Variants in CNTNAP4 observed in about 807,000 individuals in gnomAD.
The protein encoded by CNTNAP4 is contactin associated protein family member 4.
CNTNAP4 carries 98 observed loss-of-function variants against 148.4 expected under a neutral mutation model. The ratio of observed to expected loss-of-function variants is 0.66; its 90% CI spans 0.56 to 0.78. CNTNAP4 has a LOEUF of 0.78. Ranked by LOEUF, CNTNAP4 falls within the 30% of genes least tolerant of loss-of-function variation. The pLI is 0.00. For missense variants in CNTNAP4, 1,935 were observed against 1,565.6 expected (o/e 1.24, Z -3.98); for synonymous variants, 730 against 565.1 (o/e 1.29, Z -4.14).
chr16:76,418,060 G>T (rs1475026420), intron 3 of CNTNAP4, among the ~76,000 whole-genome samples: 1 of 150,632 alleles, frequency 6.6e-6, no homozygotes, highest in Non-Finnish European at 1.5e-5. Context: ...ACTGTAATTT[G>T]CATCTGATAT....
chr16:76,343,078 T>A (rs1024942668), intron 2 of CNTNAP4, among the ~76,000 whole-genome samples: 24 of 152,000 alleles, frequency 1.6e-4, no homozygotes, highest in Admixed American at 1.6e-3. Context: ...AATTTGAAAT[T>A]GGCTAGGCAG....
rs1597167838 is a variant in CNTNAP4, at chr16:76,316,606, A to G, written c.196+83A>G. The G allele has an allele frequency of 1.7e-5, 15 of 869,470 alleles. No homozygotes were observed. In the East Asian group the frequency reaches 3.8e-4, roughly 22 times the overall value. 53.9% of individuals were successfully genotyped at this position (869,470 alleles called of 1,614,324 possible). On this transcript the variant is annotated intron_variant, in intron 2 of 23. Coordinates refer to ENST00000611870, the MANE Select transcript of CNTNAP4 (RefSeq NM_033401.5). ...TCTTTGCATACAGTCATTATGAATGATACATGGTAAAAGAAAGTAAATTTC... is the reference window on the plus strand; with the variant it reads ...TCTTTGCATACAGTCATTATGAATGGTACATGGTAAAAGAAAGTAAATTTC...
chr16:76,293,226 G>A (rs1959170124), intron 1 of CNTNAP4, among the ~76,000 whole-genome samples: 1 of 151,984 alleles, frequency 6.6e-6, no homozygotes, highest in South Asian at 2.1e-4. Flanking sequence ...CCGGGTTCGA[G>A]CGATTCTCCT....
intron 7 of CNTNAP4, among the ~76,000 whole-genome samples, 186 bp from the exon 8 acceptor site, chr16:76,452,322 A>G (rs1490811228): frequency 6.6e-6 from 1 of 152,204 alleles, no homozygotes; most frequent in Non-Finnish European, 1.5e-5. Flanking sequence ...TGAGAAATGG[A>G]GAGAAGAGCA....
chr16:76,391,070 C>T (rs2016948968), intron 3 of CNTNAP4, among the ~76,000 whole-genome samples: 2 of 152,104 alleles, frequency 1.3e-5, no homozygotes, highest in Admixed American at 6.6e-5. Context: ...ACTATAGTCA[C>T]CCTATTGTGC....
rs1211251445 is a variant in CNTNAP4 at position 76,521,320 on chromosome 16, C to A, written c.2536+10C>A. The A allele has an allele frequency of 1.3e-6, 2 of 1,591,718 alleles. No individual in the cohort carries two copies. The highest frequency in any genetic ancestry group is 1.7e-4 in the Middle Eastern group (1 of 5,968). On this transcript the variant is annotated intron_variant, in intron 16 of 23. Transcript: ENST00000611870. Reference sequence around the variant, plus strand: ...CGGATAGAGCTTCGCTGTAAGTCTCCTTTTCCAGAGAAGTGTATGAGATTC... The same window carrying A: ...CGGATAGAGCTTCGCTGTAAGTCTCATTTTCCAGAGAAGTGTATGAGATTC...
intron 17 of CNTNAP4, among the ~76,000 whole-genome samples, chr16:76,534,766 G>A (rs578253570): frequency 6.6e-6 from 1 of 152,300 alleles, no homozygotes; most frequent in East Asian, 1.9e-4. Flanking sequence ...GTGTGATTAT[G>A]TGTTACCCAT....
intron 19 of CNTNAP4, among the ~76,000 whole-genome samples, 168 bp downstream of exon 19, chr16:76,538,508 G>A (rs555760192): frequency 1.3e-4 from 20 of 151,958 alleles, no homozygotes; most frequent in Middle Eastern, 3.4e-3. Context: ...AATCTAAAAG[G>A]ATTATTTAAA....
In CNTNAP4 at chr16:76,559,849, A is replaced by C. The variant is rs191761540; in HGVS notation, c.*1166A>C. On this transcript the variant is annotated 3_prime_UTR_variant, in exon 24 of 24. Coordinates refer to ENST00000611870, the MANE Select transcript of CNTNAP4 (RefSeq NM_033401.5). Reference sequence around the variant, plus strand: ...TTTTGAAATATGAGCTGCAACCATCAGTGATCTACACAATCAATAATTAAA... The same window carrying C: ...TTTTGAAATATGAGCTGCAACCATCCGTGATCTACACAATCAATAATTAAA... Among the ~76,000 whole-genome samples, 1,137 of 131,184 alleles carry C rather than the reference A, an allele frequency of 8.7e-3. 8 individuals carry two copies. Among genetic ancestry groups the C allele is most frequent in the African/African-American group, 0.021 (744 of 35,272 alleles). 86.1% of individuals were successfully genotyped at this position (131,184 alleles called of 152,430 possible).
intron 4 of CNTNAP4, among the ~76,000 whole-genome samples, chr16:76,436,045 G>A (rs960796216): frequency 1.3e-5 from 2 of 152,040 alleles, no homozygotes; most frequent in South Asian, 2.1e-4. Context: ...ACCTCTAGGG[G>A]CCCGCCAGGA....
At position 76,494,925 on chromosome 16, in the gene CNTNAP4, G is replaced by T; in HGVS notation, c.2096G>T (p.Ser699Ile). Residue 699 changes from serine to isoleucine, a missense_variant, in exon 14 of 24, where the codon AGT becomes ATT. Physicochemically the swap from Ser to Ile is moderately radical, Grantham distance 142 (BLOSUM62 -2). Coordinates refer to ENST00000611870, the MANE Select transcript of CNTNAP4 (RefSeq NM_033401.5). Reference protein sequence around the residue: ...LVNKQDGTPLSWWVGRTNETQ... With the variant: ...LVNKQDGTPLIWWVGRTNETQ... ...TTTCTTTCAGATGGAACCCCTCTGA[G>T]TTGGTGGGTAGGAAGAACCAATGAA... 1 of 1,613,420 alleles carries T rather than the reference G, an allele frequency of 6.2e-7. No individual in the cohort carries two copies.
intron 3 of CNTNAP4, among the ~76,000 whole-genome samples, chr16:76,418,801 C>T (rs1481284551): frequency 6.6e-6 from 1 of 151,376 alleles, no homozygotes; most frequent in African/African-American, 2.4e-5. Context: ...TATCTGATGA[C>T]AATAGAAACT....
In CNTNAP4 at chr16:76,539,866, T is replaced by A; in HGVS notation, c.3354+14T>A. 6.5e-7 allele frequency: 1 copy of A among 1,549,978 alleles called. No individual in the cohort carries two copies. The highest frequency in any genetic ancestry group is 8.7e-7 in the Non-Finnish European group (1 of 1,153,964). ...GTCTTTATAGAGGTAATGTAGTAAATTCAGCAGAAGCAATCATTTTAATGA... is the reference window on the plus strand; with the variant it reads ...GTCTTTATAGAGGTAATGTAGTAAAATCAGCAGAAGCAATCATTTTAATGA... On this transcript the variant is annotated intron_variant, in intron 20 of 23. Transcript: ENST00000611870.
At chr16:76,432,052 A>C (rs576858317) in intron 4 of CNTNAP4, among the ~76,000 whole-genome samples, 26 of 152,306 alleles carry the variant, frequency 1.7e-4, no homozygotes, top group African/African-American at 5.8e-4. Flanking sequence ...TACTTATTGT[A>C]CTACAGTTAA....
At chr16:76,344,413 CCGTTTT>C (rs1399158374) in intron 2 of CNTNAP4, among the ~76,000 whole-genome samples, 1 of 152,078 alleles carries the variant, frequency 6.6e-6, no homozygotes, top group African/African-American at 2.4e-5. Flanking sequence ...AATCCACATA[CCGTTTT>C]ATAAAGTCAT....
At chr16:76,555,733 A>C (rs181422979) in intron 23 of CNTNAP4, among the ~76,000 whole-genome samples, 1 of 152,260 alleles carries the variant, frequency 6.6e-6, no homozygotes, top group Admixed American at 6.5e-5. Context: ...TTATTCTAGA[A>C]TAGAAACAAG....
chr16:76,477,756 A>G (rs756125043), intron 11 of CNTNAP4, among the ~76,000 whole-genome samples: 1 of 152,310 alleles, frequency 6.6e-6, no homozygotes, highest in African/African-American at 2.4e-5. Context: ...AATTTTTTAC[A>G]TCCTCCATTA....
chr16:76,310,694 A>T (rs1961004137), intron 1 of CNTNAP4, among the ~76,000 whole-genome samples: 1 of 152,184 alleles, frequency 6.6e-6, no homozygotes, highest in South Asian at 2.1e-4. Context: ...GGGACATACG[A>T]TTCATTAGCA....
At chr16:76,329,267 T>G (rs1034606550) in intron 2 of CNTNAP4, among the ~76,000 whole-genome samples, 8 of 152,144 alleles carry the variant, frequency 5.3e-5, no homozygotes, top group African/African-American at 1.9e-4. Context: ...ATCCAAAATG[T>G]CAGGAGGCTT....
Sources: allele counts gnomAD v4.1 joint callset (sites outside exome capture counted in the v4.1 genomes callset), GRCh38; gene constraint gnomAD v4.1.1; transcripts MANE v1.5; gene names NCBI Gene and HGNC (gene_info 2026-07-23, HGNC 2026-07-21).